PTPRS: variants seen among roughly 807,000 people sequenced by gnomAD.
PTPRS encodes receptor-type tyrosine-protein phosphatase S.
PTPRS carries 63 observed loss-of-function variants against 215.3 expected under a neutral mutation model. The ratio of observed to expected loss-of-function variants is 0.29; its 90% confidence interval spans 0.24 to 0.36. PTPRS has a LOEUF of 0.36. Ranked by LOEUF, PTPRS falls within the 10% of genes least tolerant of loss-of-function variation. PTPRS has a pLI of 1.00. For missense variants in PTPRS, 2,258 were observed against 2,825.8 expected, an observed-to-expected ratio of 0.80 and a Z score of 4.56; for synonymous variants, 1,404 against 1,191.4, an observed-to-expected ratio of 1.18 and a Z score of -3.68.
At position 5,257,870 on chromosome 19, in the gene PTPRS, C is replaced by CTCGGCCAA; in HGVS notation, c.706+139_706+146dup. 1.5e-6 allele frequency: 1 copy of CTCGGCCAA among 646,034 alleles called. No homozygotes were observed. Among genetic ancestry groups the CTCGGCCAA allele is most frequent in the East Asian group, 2.7e-5 (1 of 37,284 alleles). The allele number at this position is 646,034 out of a possible 1,614,324, so 40.0% of individuals were successfully genotyped here. A position where few individuals can be genotyped will look rare whatever the true frequency, so the allele number is the denominator to read the frequency against. On this transcript the variant is annotated intron_variant, in intron 8 of 37. Transcript: ENST00000262963. The surrounding 1 kb of genome is among the most constrained non-coding windows in gnomAD (Gnocchi z 4.4). Reference sequence around the variant, plus strand: ...ACTAAGGCCCAGAGAGGGACGCCGCCTCGGCCAAGGTCCCACCGCGACCGG... The same window carrying CTCGGCCAA: ...ACTAAGGCCCAGAGAGGGACGCCGCCTCGGCCAATCGGCCAAGGTCCCACCGCGACCGG...
At chr19:5,326,779 G>GA (rs2050179512) in intron 1 of PTPRS, among the ~76,000 whole-genome samples, 1 of 57,490 alleles carries the variant, frequency 1.7e-5, no homozygotes, top group South Asian at 5.1e-4. Context: ...GAAGGGAAGA[G>GA]AAGGAAGGAA....
chr19:5,206,511 A>C lies in PTPRS; in HGVS notation c.*263T>G, dbSNP rs2040377219. On this transcript the variant is annotated 3_prime_UTR_variant, in exon 38 of 38. Coordinates refer to ENST00000262963, the MANE Select transcript of PTPRS (RefSeq NM_002850.4). ...ACCATCCCCCCACCCCCCACCCCGG[A>C]ATCTGGTTTTGGAATTGGAAGGAAA... 31 of 213,652 alleles carry C rather than the reference A, an allele frequency of 1.5e-4. No homozygotes were observed. The highest frequency in any genetic ancestry group is 3.9e-4 in the South Asian group (7 of 17,820). 13.2% of individuals were successfully genotyped at this position (213,652 alleles called of 1,614,324 possible).
In PTPRS at chr19:5,218,506, G is replaced by T. The variant is rs2041686880; in HGVS notation, c.3962C>A (p.Thr1321Asn). The change falls in exon 25 of 38, where the codon ACC (threonine) becomes AAC (asparagine). Residue 1321 changes from threonine to asparagine, a missense_variant. Thr to Asn is a moderately conservative substitution (Grantham distance 65, BLOSUM62 0). Around this residue, in one of 6 missense-constraint regions of PTPRS, gnomAD observed 927 missense variants for 1,125.9 expected, o/e 0.82. Transcript: ENST00000262963. ...GTCGGCATTGTTCAGGAGGCATTTG[G>T]TGCGGGGTTCTGAGTCCTTGCGTTT... ...DSKRKDSEPR[T>N]KCLLNNADLA... is the part of the protein sequence containing the mutation. The T allele has an allele frequency of 1.2e-6, 2 of 1,614,164 alleles. No individual in the cohort carries two copies. Among genetic ancestry groups the T allele is most frequent in the Non-Finnish European group, 1.7e-6 (2 of 1,180,030 alleles).
chr19:5,222,661 T>C, intron 18 of PTPRS, 28 bp downstream of exon 18: 1 of 1,518,008 alleles, frequency 6.6e-7, no homozygotes, highest in Non-Finnish European at 8.8e-7. Flanking sequence ...CCGGTCCGGC[T>C]CTGGTGCAGG....
rs568828577 is a variant in PTPRS at position 5,235,877 on chromosome 19, CTA to C, written c.1849+3040_1849+3041del. On this transcript the variant is annotated intron_variant, in intron 13 of 37. Transcript: ENST00000262963. ...TAAAGGCTTATGAATCAGTAAGTCT[CTA>C]TGTGTTGCGTGCCTACTATGGCCAG... Among the ~76,000 whole-genome samples the C allele has an allele frequency of 1.7e-3, 256 of 152,312 alleles. 3 individuals are homozygous for C. Among genetic ancestry groups the C allele is most frequent in the African/African-American group, 5.9e-3 (247 of 41,576 alleles).
At chr19:5,267,712 C>T (rs1303031440) in intron 4 of PTPRS, among the ~76,000 whole-genome samples, 1 of 112,820 alleles carries the variant, frequency 8.9e-6, no homozygotes, top group African/African-American at 3.4e-5. Context: ...AATAACCGTG[C>T]CCCCCCGCCC....
rs1267334084 is a variant in PTPRS at position 5,338,223 on chromosome 19, G to A, written c.-95+2441C>T. Among the ~76,000 whole-genome samples, 1 of 152,204 alleles carries A rather than the reference G, an allele frequency of 6.6e-6. No individual in the cohort carries two copies. The highest frequency in any genetic ancestry group is 1.9e-4 in the East Asian group (1 of 5,186). ...TAGGGGCAATGTCATCGGCCAGGGT[G>A]GCAGAAATAGAAAAGTGCGTGAGCT... On this transcript the variant is annotated intron_variant, in intron 1 of 37. Transcript: ENST00000262963. This position sits in a 1 kb window ranked among gnomAD's most constrained non-coding sequence, Gnocchi z 4.2.
chr19:5,340,263 G>A (rs1287737585), intron 1 of PTPRS, among the ~76,000 whole-genome samples: 1 of 149,966 alleles, frequency 6.7e-6, no homozygotes, highest in Admixed American at 6.6e-5. Flanking sequence ...GGCCGGCACC[G>A]GCTCCGCACA....
intron 19 of PTPRS, among the ~76,000 whole-genome samples, chr19:5,221,503 C>T (rs1460346965): frequency 2.6e-5 from 4 of 151,994 alleles, no homozygotes; most frequent in Non-Finnish European, 4.4e-5. Context: ...GGTAGAAGCC[C>T]ACTTTGACTG....
intron 9 of PTPRS, among the ~76,000 whole-genome samples, chr19:5,251,546 C>G (rs939006346): frequency 6.6e-6 from 1 of 151,762 alleles, no homozygotes; most frequent in East Asian, 1.9e-4. Context: ...CTGTGGCCGC[C>G]GGAGACACGG....
chr19:5,219,963 A>G lies in PTPRS; in HGVS notation c.3741T>C (p.Leu1247=), dbSNP rs1490424721. 1 of 1,613,888 alleles carries G rather than the reference A, an allele frequency of 6.2e-7. No homozygotes were observed. Residue 1247 remains leucine, a synonymous_variant, in exon 22 of 38, where the codon CTT becomes CTC. Transcript: ENST00000262963. ...CAGGCTCGCTCTTCTGAAGCACGGC[A>G]AGCACGAAGAGGACATAGCGGTGGC... ...EPGHRYVLFV[L]AVLQKSEPTF... is the part of the protein sequence containing the mutation.
In PTPRS at chr19:5,205,677, T is replaced by A. The variant is rs4346309; in HGVS notation, c.*1097A>T. ...GGGTAGGCGGGTAGAGGGGGGCCTGTCCTTCTGGTTTTGCTCCCAAACTGC... is the reference window on the plus strand; with the variant it reads ...GGGTAGGCGGGTAGAGGGGGGCCTGACCTTCTGGTTTTGCTCCCAAACTGC... On this transcript the variant is annotated 3_prime_UTR_variant, in exon 38 of 38. Coordinates refer to ENST00000262963, the MANE Select transcript of PTPRS (RefSeq NM_002850.4). 0.063 allele frequency among the ~76,000 whole-genome samples: 9,607 copies of A among 152,194 alleles called. 325 individuals are homozygous for A. The highest frequency in any genetic ancestry group is 0.072 in the Non-Finnish European group (4,879 of 67,986).
intron 4 of PTPRS, 72 bp from the exon 5 acceptor site, chr19:5,265,268 AG>A: frequency 1.4e-6 from 2 of 1,443,818 alleles, no homozygotes; most frequent in Non-Finnish European, 1.9e-6. Flanking sequence ...CCTGGGGCTC[AG>A]GGACTGCCTG....
At chr19:5,263,782 C>G (rs180711193) in intron 5 of PTPRS, among the ~76,000 whole-genome samples, 1 of 152,228 alleles carries the variant, frequency 6.6e-6, no homozygotes, top group African/African-American at 2.4e-5. Context: ...TGCACAGGCA[C>G]GGGAGTGACT....
chr19:5,236,580 T>A (rs977224058), intron 13 of PTPRS, among the ~76,000 whole-genome samples: 1 of 152,194 alleles, frequency 6.6e-6, no homozygotes, highest in Admixed American at 6.5e-5. Context: ...GCTGAGCACA[T>A]GTTTACTGAG....
At chr19:5,242,469 G>A (rs1170665055) in intron 11 of PTPRS, among the ~76,000 whole-genome samples, 2 of 150,756 alleles carry the variant, frequency 1.3e-5, no homozygotes, top group Admixed American at 6.6e-5. Flanking sequence ...CCGAGTTCAA[G>A]TGATTCTCCT....
chr19:5,302,145 C>T (rs754195104), intron 1 of PTPRS, among the ~76,000 whole-genome samples: 4 of 151,942 alleles, frequency 2.6e-5, no homozygotes, highest in Non-Finnish European at 5.9e-5. Flanking sequence ...GCAGGAGGAT[C>T]GTTTGAGCCA....
intron 1 of PTPRS, among the ~76,000 whole-genome samples, chr19:5,305,079 T>C (rs931284373): frequency 1.5e-5 from 2 of 133,938 alleles, no homozygotes; most frequent in Non-Finnish European, 3.3e-5. Context: ...GAACAGGTGT[T>C]AGGATCTACA....
At chr19:5,258,745 G>T (rs117734872) in intron 7 of PTPRS, among the ~76,000 whole-genome samples, 1 of 152,216 alleles carries the variant, frequency 6.6e-6, no homozygotes, top group South Asian at 2.1e-4. Context: ...GTTATACCCT[G>T]AGGCAGCTAA....
Sources: allele counts gnomAD v4.1 joint callset (sites outside exome capture counted in the v4.1 genomes callset), GRCh38; gene constraint gnomAD v4.1.1; regional missense constraint gnomAD v4.1.1; non-coding constraint Gnocchi (gnomAD v3.1); transcripts MANE v1.5; gene names NCBI Gene and HGNC (gene_info 2026-07-23, HGNC 2026-07-21).